Variants in HS6ST3 observed in about 807,000 individuals in gnomAD.
HS6ST3 encodes the protein heparan sulfate 6-O-sulfotransferase 3, also known as heparan-sulfate 6-O-sulfotransferase 3.
Under a neutral mutation model 36.7 loss-of-function variants are expected in HS6ST3, and 12 were observed. The observed-to-expected ratio is 0.33, with a 90% CI of 0.21 to 0.53. The LOEUF is 0.53. Among genes scored for constraint, HS6ST3 ranks in the 20% least tolerant of loss-of-function variants. HS6ST3 has a pLI of 0.95. For missense variants in HS6ST3, 584 were observed against 640.9 expected (o/e 0.91, Z 0.96); for synonymous variants, 240 against 257.5 (o/e 0.93, Z 0.65).
chr13:96,326,701 G>A (rs1380123753), intron 1 of HS6ST3, among the ~76,000 whole-genome samples: 1 of 152,010 alleles, frequency 6.6e-6, no homozygotes, highest in East Asian at 1.9e-4. Flanking sequence ...CCCAGTAATG[G>A]GATGGCTGGG....
chr13:96,792,069 A>G (rs1045217406), intron 1 of HS6ST3, among the ~76,000 whole-genome samples: 1 of 152,082 alleles, frequency 6.6e-6, no homozygotes, highest in East Asian at 1.9e-4. Flanking sequence ...ACATACACAC[A>G]TATTACTCTA....
intron 1 of HS6ST3, among the ~76,000 whole-genome samples, chr13:96,333,503 T>A (rs1169050008): frequency 6.6e-6 from 1 of 152,120 alleles, no homozygotes; most frequent in East Asian, 1.9e-4. Context: ...TCCTCTCTTT[T>A]TGGGGGTCTG....
chr13:96,461,927 C>A (rs1701695858), intron 1 of HS6ST3, among the ~76,000 whole-genome samples: 3 of 152,144 alleles, frequency 2.0e-5, no homozygotes, highest in African/African-American at 7.2e-5. Flanking sequence ...AATAAAAGTT[C>A]TAAGCACATG....
chr13:96,349,144 T>C (rs1042673773), intron 1 of HS6ST3, among the ~76,000 whole-genome samples: 1 of 152,222 alleles, frequency 6.6e-6, no homozygotes, highest in Non-Finnish European at 1.5e-5. Context: ...AATTCTTTTC[T>C]GAATTGCAAT....
chr13:96,474,453 C>A (rs1409708525), intron 1 of HS6ST3, among the ~76,000 whole-genome samples: 1 of 152,040 alleles, frequency 6.6e-6, no homozygotes, highest in Admixed American at 6.6e-5. Context: ...AATATAGGGG[C>A]CTGGGAAGAC....
chr13:96,376,224 C>A (rs2055314039), intron 1 of HS6ST3, among the ~76,000 whole-genome samples: 1 of 152,148 alleles, frequency 6.6e-6, no homozygotes, highest in African/African-American at 2.4e-5. Flanking sequence ...ACAAGTTTAT[C>A]TTTTATAGAA....
intron 1 of HS6ST3, among the ~76,000 whole-genome samples, chr13:96,239,571 A>G (rs1038736324): frequency 5.9e-5 from 9 of 152,228 alleles, no homozygotes; most frequent in African/African-American, 2.2e-4. Flanking sequence ...TATTAAAGCC[A>G]ATTACACATT....
chr13:96,530,505 C>T (rs1173859213), intron 1 of HS6ST3, among the ~76,000 whole-genome samples: 3 of 142,588 alleles, frequency 2.1e-5, no homozygotes, highest in African/African-American at 5.1e-5. Flanking sequence ...TTTTCTTTCC[C>T]TTTTTTTTTT....
intron 1 of HS6ST3, among the ~76,000 whole-genome samples, chr13:96,121,757 T>C (rs899131340): frequency 6.6e-6 from 1 of 152,202 alleles, no homozygotes; most frequent in African/African-American, 2.4e-5. Flanking sequence ...GCTGGGGGAC[T>C]CCCTGAATCA....
At chr13:96,364,521 T>G (rs1029794893) in intron 1 of HS6ST3, among the ~76,000 whole-genome samples, 1 of 152,276 alleles carries the variant, frequency 6.6e-6, no homozygotes. Flanking sequence ...GAACAAGTAT[T>G]GTATGATTCC....
At chr13:96,682,249 T>C (rs79519643) in intron 1 of HS6ST3, among the ~76,000 whole-genome samples, 1 of 152,140 alleles carries the variant, frequency 6.6e-6, no homozygotes, top group African/African-American at 2.4e-5. Context: ...ACTGAACTCA[T>C]TGAAATTGTG....
At chr13:96,267,827 C>T (rs1295088308) in intron 1 of HS6ST3, among the ~76,000 whole-genome samples, 1 of 151,878 alleles carries the variant, frequency 6.6e-6, no homozygotes, top group Admixed American at 6.6e-5. Flanking sequence ...AGTTATGTTG[C>T]TCCTGCTGGG....
chr13:96,113,376 G>A (rs1470125256), intron 1 of HS6ST3, among the ~76,000 whole-genome samples: 1 of 152,060 alleles, frequency 6.6e-6, no homozygotes, highest in African/African-American at 2.4e-5. Context: ...TTAACAGATT[G>A]ACAGAGTATG....
chr13:96,440,937 A>G (rs1320901157), intron 1 of HS6ST3, among the ~76,000 whole-genome samples: 1 of 152,198 alleles, frequency 6.6e-6, no homozygotes, highest in Admixed American at 6.5e-5. Context: ...TGTCTCTTCC[A>G]ATTCTTATGT....
chr13:96,399,978 A>G (rs1270778837), intron 1 of HS6ST3, among the ~76,000 whole-genome samples: 6 of 151,966 alleles, frequency 3.9e-5, no homozygotes, highest in Non-Finnish European at 5.9e-5. Context: ...TTTTTTTTTC[A>G]GGGGAGATTG....
intron 1 of HS6ST3, among the ~76,000 whole-genome samples, chr13:96,741,812 CA>C (rs1194125113): frequency 6.6e-6 from 1 of 152,120 alleles, no homozygotes; most frequent in African/African-American, 2.4e-5. Context: ...GCAAATATGT[CA>C]ATAGCATGAG....
chr13:96,604,800 T>C lies in HS6ST3; in HGVS notation c.708-227690T>C, dbSNP rs963012890. Among the ~76,000 whole-genome samples, 8 of 152,224 alleles carry C rather than the reference T, an allele frequency of 5.3e-5. No homozygotes were observed. In the East Asian group the frequency reaches 1.2e-3, roughly 22 times the overall value. ...TACTTTGTTTCTTCTTTATTGCCTC[T>C]GTCTTTTTATTTCTCTTAAGTTGGC... On this transcript the variant is annotated intron_variant, in intron 1 of 1. Transcript: ENST00000376705.
In HS6ST3 at chr13:96,455,147, C is replaced by G. The variant is rs140060303; in HGVS notation, c.707+363578C>G. 3.6e-3 allele frequency among the ~76,000 whole-genome samples: 542 copies of G among 152,268 alleles called. 5 individuals carry two copies. Among genetic ancestry groups the G allele is most frequent in the Middle Eastern group, 0.014 (4 of 294 alleles). On this transcript the variant is annotated intron_variant, in intron 1 of 1. Transcript: ENST00000376705. ...GATGTTAAAATGTAGTAAAATTAAG[C>G]AAGGACTCTTAAGAGGGAAGTAGAT...
chr13:96,446,347 CA>C (rs2055698910), intron 1 of HS6ST3, among the ~76,000 whole-genome samples: 1 of 152,068 alleles, frequency 6.6e-6, no homozygotes, highest in African/African-American at 2.4e-5. Flanking sequence ...ATTTAATTAG[CA>C]GCATCTTACT....
Sources: allele counts gnomAD v4.1 joint callset (sites outside exome capture counted in the v4.1 genomes callset), GRCh38; gene constraint gnomAD v4.1.1; transcripts MANE v1.5; gene names NCBI Gene and HGNC (gene_info 2026-07-23, HGNC 2026-07-21).